Variants in OPTN observed in about 807,000 individuals in gnomAD.
OPTN encodes the protein optineurin, also known as E3-14.7K-interacting protein.
A neutral mutation model predicts 70.4 loss-of-function variants in OPTN; 54 were observed. That is an observed-to-expected ratio of 0.77 (90% confidence interval 0.62 to 0.96). OPTN has a LOEUF of 0.96. Ranked by LOEUF, OPTN falls within the 40% of genes least tolerant of loss-of-function variation. The pLI is 0.00. For missense variants in OPTN, 624 were observed against 673.2 expected, an observed-to-expected ratio of 0.93 and a Z score of 0.81; for synonymous variants, 256 against 248.5, an observed-to-expected ratio of 1.03 and a Z score of -0.28.
chr10:13,125,843 G>A (rs566366349), intron 10 of OPTN, 103 bp from the exon 11 acceptor site: 63 of 895,172 alleles, frequency 7.0e-5, no homozygotes, highest in Middle Eastern at 2.2e-4. Flanking sequence ...AAAGGTAGGC[G>A]AGAAGATTTT....
chr10:13,136,756 A>G lies in OPTN; in HGVS notation c.1624A>G (p.Arg542Gly). ...ATACTTATTCCCAGGAGCTGAGGAC[A>G]GGGACTGGCGGCAACAGCGGAATAT... Reference protein sequence around the residue: ...AYLVQRGAEDRDWRQQRNIPI... With the variant: ...AYLVQRGAEDGDWRQQRNIPI... Residue 542 changes from arginine (R) to glycine (G), a missense_variant, in exon 15 of 15, where the codon AGG becomes GGG. By Grantham distance (125) the Arg-to-Gly change is moderately radical. Coordinates refer to ENST00000378747, the MANE Select transcript of OPTN (RefSeq NM_001008212.2). 2.5e-6 allele frequency: 4 copies of G among 1,614,066 alleles called. No homozygotes were observed. The highest frequency in any genetic ancestry group is 3.4e-6 in the Non-Finnish European group (4 of 1,179,934).
In OPTN at chr10:13,109,442, A is replaced by C. The variant is rs111740272; in HGVS notation, c.166+154A>C. 1.4e-3 allele frequency: 994 copies of C among 701,030 alleles called. 12 individuals are homozygous for C. The African/African-American group carries it at 0.016, about 11-fold the overall frequency. 43.4% of individuals were successfully genotyped at this position (701,030 alleles called of 1,614,324 possible). Reference sequence around the variant, plus strand: ...CAGGATTTAGCATTTGGCAAGGCTAAATCTGTTCTGATTTTTACTTTTGGA... The same window carrying C: ...CAGGATTTAGCATTTGGCAAGGCTACATCTGTTCTGATTTTTACTTTTGGA... On this transcript the variant is annotated intron_variant, in intron 3 of 14. Transcript: ENST00000378747.
chr10:13,104,489 T>C (rs1387409088), intron 1 of OPTN: 4 of 306,662 alleles, frequency 1.3e-5, no homozygotes, highest in Non-Finnish European at 1.9e-5. Context: ...TATGAAAATG[T>C]ACATGACCTA....
At position 13,116,322 on chromosome 10, in the gene OPTN, G is replaced by C. The variant is rs1373831688; in HGVS notation, c.608G>C (p.Arg203Thr). Residue 203 changes from arginine to threonine, a missense_variant, in exon 6 of 15, where the codon AGA becomes ACA. By Grantham distance (71) the Arg-to-Thr change is moderately conservative. Coordinates refer to ENST00000378747, the MANE Select transcript of OPTN (RefSeq NM_001008212.2). ...KEIKHSPGPT[R>T]TVSTGTALSK... is the part of the protein sequence containing the mutation. ...ATCAAGCATAGTCCTGGGCCCACGA[G>C]AACAGTCTCCACTGGCACGTATGTG... The C allele has an allele frequency of 4.3e-6, 7 of 1,613,480 alleles. No individual in the cohort carries two copies. Among genetic ancestry groups the C allele is most frequent in the Non-Finnish European group, 5.1e-6 (6 of 1,179,588 alleles).
In OPTN at chr10:13,122,472, G is replaced by C. The variant is rs143727251; in HGVS notation, c.867G>C (p.Glu289Asp). The C allele has an allele frequency of 2.4e-5, 38 of 1,612,904 alleles. No individual in the cohort carries two copies. The highest frequency in any genetic ancestry group is 3.1e-5 in the Non-Finnish European group (37 of 1,178,986). The change falls in exon 8 of 15, where the codon GAG (glutamate) becomes GAC (aspartate). Residue 289 changes from glutamate to aspartate, a missense_variant. By Grantham distance (45) the Glu-to-Asp change is conservative (BLOSUM62 2). Transcript: ENST00000378747. ...EGSTEKENDEEKGPETVGSEV... is the reference protein window; with the variant it reads ...EGSTEKENDEDKGPETVGSEV... ...GCACAGAGAAAGAGAATGATGAAGA[G>C]AAAGGCCCGGAGACTGTGAGTCCTA...
chr10:13,108,850 T>C lies in OPTN; in HGVS notation c.-11-262T>C, dbSNP rs142468336. The C allele has an allele frequency of 3.4e-3, 1,476 of 434,180 alleles. 19 individuals carry two copies. The highest frequency in any genetic ancestry group is 0.026 in the African/African-American group (1,292 of 49,868). 26.9% of individuals were successfully genotyped at this position (434,180 alleles called of 1,614,324 possible). A position where few individuals can be genotyped will look rare whatever the true frequency, so the allele number is the denominator to read the frequency against. On this transcript the variant is annotated intron_variant, in intron 2 of 14. Transcript: ENST00000378747. The stretch of plus-strand genomic sequence containing the variant: ...CGTGAGCCACCACGCCCGGCCCTCA[T>C]TGTACCCTTTTATACACCCATACAC...
intron 14 of OPTN, 21 bp from the exon 15 acceptor site, chr10:13,136,723 GA>G (rs1376792771): frequency 6.2e-7 from 1 of 1,613,812 alleles, no homozygotes; most frequent in Non-Finnish European, 8.5e-7. Context: ...GGAACTAATG[GA>G]ATTATCATAC....
chr10:13,116,661 C>A (rs1339934052), intron 6 of OPTN: 1 of 401,000 alleles, frequency 2.5e-6, no homozygotes, highest in African/African-American at 2.0e-5. Flanking sequence ...CATGTTTGCT[C>A]ATTGGTTCCC....
At chr10:13,123,904 T>C in intron 8 of OPTN, 91 bp from the exon 9 acceptor site, 1 of 853,380 alleles carries the variant, frequency 1.2e-6, no homozygotes, top group Admixed American at 1.9e-5. Context: ...CTTAATTGGC[T>C]ACTAATGGTT....
Position 13,110,343 on chromosome 10 carries a change from A to C in OPTN, c.236A>C (p.Gln79Pro), listed in dbSNP as rs1452457006. 5.0e-6 allele frequency: 8 copies of C among 1,614,070 alleles called. No homozygotes were observed. The highest frequency in any genetic ancestry group is 1.1e-5 in the South Asian group (1 of 91,080). Residue 79 changes from glutamine to proline, a missense_variant, in exon 4 of 15, where the codon CAG becomes CCG. Coordinates refer to ENST00000378747, the MANE Select transcript of OPTN (RefSeq NM_001008212.2). ...FEELSAWTEK[Q>P]KEERQFFEIQ... ...GAGCTTTCGGCCTGGACAGAGAAACAGAAGGAAGAACGCCAGTTTTTTGAG... is the reference window on the plus strand; with the variant it reads ...GAGCTTTCGGCCTGGACAGAGAAACCGAAGGAAGAACGCCAGTTTTTTGAG...
chr10:13,133,144 G>T (rs11258218), intron 13 of OPTN, among the ~76,000 whole-genome samples: 1 of 152,096 alleles, frequency 6.6e-6, no homozygotes, highest in Non-Finnish European at 1.5e-5. Flanking sequence ...GATCACTGTA[G>T]GTATTGTTCT....
intron 3 of OPTN, 150 bp downstream of exon 3, chr10:13,109,438 G>A (rs1832945245): frequency 1.4e-6 from 1 of 724,916 alleles, no homozygotes; most frequent in East Asian, 2.7e-5. Flanking sequence ...ATTTGGCAAG[G>A]CTAAATCTGT....
intron 1 of OPTN, among the ~76,000 whole-genome samples, chr10:13,105,334 C>T (rs765809980): frequency 6.6e-6 from 1 of 152,126 alleles, no homozygotes; most frequent in Non-Finnish European, 1.5e-5. Context: ...AGATTGTGGT[C>T]TTTCTAGAAA....
In OPTN at chr10:13,136,893, T is replaced by C. The variant is rs1281663634; in HGVS notation, c.*27T>C. 6.2e-7 allele frequency: 1 copy of C among 1,613,972 alleles called. No individual in the cohort carries two copies. Among genetic ancestry groups the C allele is most frequent in the East Asian group, 2.2e-5 (1 of 44,890 alleles). On this transcript the variant is annotated 3_prime_UTR_variant, in exon 15 of 15. Coordinates refer to ENST00000378747, the MANE Select transcript of OPTN (RefSeq NM_001008212.2). ...TGTTGATGTATCACCTCCCCAAAAC[T>C]GTTGGTAAATGTCAGATTTTTTCCT...
intron 1 of OPTN, among the ~76,000 whole-genome samples, chr10:13,106,816 A>G (rs757366005): frequency 6.6e-6 from 1 of 152,238 alleles, no homozygotes; most frequent in Non-Finnish European, 1.5e-5. Flanking sequence ...ACATGTCAGA[A>G]ACAGGCAGTG....
chr10:13,122,536 T>G (rs951279386), intron 8 of OPTN, 49 bp downstream of exon 8: 1 of 1,206,202 alleles, frequency 8.3e-7, no homozygotes, highest in African/African-American at 1.5e-5. Flanking sequence ...CACACGAGAG[T>G]AGTCCAGCCA....
At position 13,138,033 on chromosome 10, in the gene OPTN, G is replaced by C. The variant is rs762506810; in HGVS notation, c.*1167G>C. The C allele has an allele frequency of 3.9e-4, 79 of 201,852 alleles. 1 individual carries two copies. Among genetic ancestry groups the C allele is most frequent in the Non-Finnish European group, 6.1e-5 (6 of 98,356 alleles). The allele number at this position is 201,852 out of a possible 1,614,324, so 12.5% of individuals were successfully genotyped here. A position where few individuals can be genotyped will look rare whatever the true frequency, so the allele number is the denominator to read the frequency against. On this transcript the variant is annotated 3_prime_UTR_variant, in exon 15 of 15. Coordinates refer to ENST00000378747, the MANE Select transcript of OPTN (RefSeq NM_001008212.2). ...TCATCATATATATTTTCTGTATTAAGCTCATTTGGCTTCATTTAAGCTGTA... is the reference window on the plus strand; with the variant it reads ...TCATCATATATATTTTCTGTATTAACCTCATTTGGCTTCATTTAAGCTGTA...
At chr10:13,110,105 CTG>C in intron 3 of OPTN, 167 bp from the exon 4 acceptor site, 2 of 1,270,962 alleles carry the variant, frequency 1.6e-6, no homozygotes, top group Non-Finnish European at 2.1e-6. Context: ...CTAGTCTTTT[CTG>C]TAAGCAAAAA....
intron 11 of OPTN, among the ~76,000 whole-genome samples, 178 bp from the exon 12 acceptor site, chr10:13,127,567 G>A (rs1488606783): frequency 6.6e-6 from 1 of 151,992 alleles, no homozygotes; most frequent in Non-Finnish European, 1.5e-5. Flanking sequence ...ATGTTGCCCA[G>A]GCTTGTCTCC....
Sources: allele counts gnomAD v4.1 joint callset (sites outside exome capture counted in the v4.1 genomes callset), GRCh38; gene constraint gnomAD v4.1.1; transcripts MANE v1.5; gene names NCBI Gene and HGNC (gene_info 2026-07-23, HGNC 2026-07-21).